The following MACF1 variants were observed in gnomAD, a reference collection of about 807,000 sequenced individuals.
MACF1 encodes microtubule-actin cross-linking factor 1.
In MACF1, 193 loss-of-function variants were observed where a neutral mutation model predicts 854.8. The observed-to-expected ratio is 0.23, with a 90% confidence interval of 0.20 to 0.25. The LOEUF (loss-of-function observed/expected upper bound fraction) is 0.25, where lower values mean the gene tolerates loss of function less well. Ranked by LOEUF, MACF1 falls within the 10% of genes least tolerant of loss-of-function variation. The pLI is 1.00. For missense variants in MACF1, 7,722 were observed against 8,929.1 expected (o/e 0.86, Z 5.45); for synonymous variants, 3,185 against 3,226.7 (o/e 0.99, Z 0.44).
intron 58 of MACF1, among the ~76,000 whole-genome samples, chr1:39,421,168 T>G (rs774555117): frequency 4.9e-4 from 74 of 152,254 alleles, no homozygotes; most frequent in Non-Finnish European, 9.0e-4. Context: ...CCCGGCCACT[T>G]CATACTCTTA....
chr1:39,382,744 A>G (rs1411807300), intron 56 of MACF1, among the ~76,000 whole-genome samples: 1 of 151,686 alleles, frequency 6.6e-6, no homozygotes, highest in Non-Finnish European at 1.5e-5. Context: ...ATTACTTAAT[A>G]TCTTATATCT....
intron 60 of MACF1, among the ~76,000 whole-genome samples, 179 bp from the exon 61 acceptor site, chr1:39,423,849 G>T (rs759915180): frequency 6.6e-6 from 1 of 151,774 alleles, no homozygotes; most frequent in Non-Finnish European, 1.5e-5. Context: ...TGTGTGAAAA[G>T]TATACGAGTG....
rs199754020 is a variant in MACF1, at chr1:39,447,783, A to C, written c.19853A>C (p.Asp6618Ala). The change falls in exon 82 of 101, where the codon GAT becomes GCT. Residue 6618 changes from aspartate to alanine, a missense_variant. Physicochemically the swap from Asp to Ala is moderately radical, Grantham distance 126. Transcript: ENST00000564288. ...TTAAAGTTCCTTAGCCAAAAGCAGG[A>C]TGTTGTTCTGATCAAGAATTTGTTG... ...NQLKFLSQKQ[D>A]VVLIKNLLVS... 6.2e-7 allele frequency: 1 copy of C among 1,614,068 alleles called. No individual in the cohort carries two copies. Among genetic ancestry groups the C allele is most frequent in the Non-Finnish European group, 8.5e-7 (1 of 1,180,020 alleles).
At chr1:39,139,298 T>G (rs78362925) in intron 2 of MACF1, among the ~76,000 whole-genome samples, 1 of 142,142 alleles carries the variant, frequency 7.0e-6, no homozygotes, top group Non-Finnish European at 1.6e-5. Context: ...TCTGCCACTG[T>G]TTTTTTTTTT....
In MACF1 at chr1:39,333,001, A is replaced by C. The variant is rs1196032894; in HGVS notation, c.6413A>C (p.Glu2138Ala). 2 of 1,613,994 alleles carry C rather than the reference A, an allele frequency of 1.2e-6. No individual in the cohort carries two copies. The highest frequency in any genetic ancestry group is 2.2e-5 in the South Asian group (2 of 91,080). Reference protein sequence around the residue: ...RGHLLTIPPAEAEGVPLVVDK... With the variant: ...RGHLLTIPPAAAEGVPLVVDK... ...CACCTCCTGACCATACCTCCTGCTG[A>C]GGCGGAAGGTGTGCCGTTGGTGGTT... Residue 2138 changes from glutamate to alanine, a missense_variant, in exon 37 of 101, where the codon GAG (glutamate) becomes GCG (alanine). By Grantham distance (107) the Glu-to-Ala change is moderately radical. This residue lies in a region of MACF1 where 1,531 missense variants were observed against 1,601.6 expected (regional missense o/e 0.96). Coordinates refer to ENST00000564288, the MANE Select transcript of MACF1 (RefSeq NM_001394062.1).
intron 6 of MACF1, among the ~76,000 whole-genome samples, chr1:39,281,637 T>C (rs1645549100): frequency 6.6e-6 from 1 of 152,260 alleles, no homozygotes; most frequent in Non-Finnish European, 1.5e-5. Context: ...ACTACAGGCA[T>C]GAGCCACTGC....
intron 1 of MACF1, among the ~76,000 whole-genome samples, chr1:39,209,901 C>CA (rs1644495915): frequency 6.6e-6 from 1 of 151,976 alleles, no homozygotes; most frequent in South Asian, 2.1e-4. Flanking sequence ...CCAGCTTGGC[C>CA]AACATGGTGA....
chr1:39,474,466 C>T (rs958082159), intron 97 of MACF1, among the ~76,000 whole-genome samples: 4 of 151,450 alleles, frequency 2.6e-5, no homozygotes, highest in African/African-American at 7.3e-5. Context: ...GAGGCTGAGC[C>T]GGGCGGATCA....
At chr1:39,278,988 A>C (rs1313908533) in intron 6 of MACF1, among the ~76,000 whole-genome samples, 2 of 152,226 alleles carry the variant, frequency 1.3e-5, no homozygotes, top group Non-Finnish European at 2.9e-5. Context: ...TGATTCAAGA[A>C]TTTGAATTGG....
At chr1:39,386,627 T>A (rs1641801721) in intron 57 of MACF1, among the ~76,000 whole-genome samples, 1 of 152,338 alleles carries the variant, frequency 6.6e-6, no homozygotes, top group South Asian at 2.1e-4. Context: ...AGACGGTGTT[T>A]CACCATGTTG....
Position 39,436,050 on chromosome 1 carries a change from T to A in MACF1, c.17988+289T>A, listed in dbSNP as rs147465303. On this transcript the variant is annotated intron_variant, in intron 70 of 100. Coordinates refer to ENST00000564288, the MANE Select transcript of MACF1 (RefSeq NM_001394062.1). ...CCTTTAGCAGATGATTTTGGATAAA[T>A]TTACCTTGCAGATTCAAAAGCAGTG... The A allele has an allele frequency of 2.5e-4, 107 of 420,682 alleles. 1 individual carries two copies. The East Asian group carries it at 4.1e-3, about 16-fold the overall frequency. 26.1% of individuals were successfully genotyped at this position (420,682 alleles called of 1,614,324 possible). A position where few individuals can be genotyped will look rare whatever the true frequency, so the allele number is the denominator to read the frequency against.
rs1358813604 is a variant in MACF1, at chr1:39,284,117, C to G, written c.967C>G (p.Pro323Ala). The change falls in exon 10 of 101, where the codon CCC (proline) becomes GCC (alanine). Residue 323 changes from proline to alanine, a missense_variant. Physicochemically the swap from Pro to Ala is conservative, Grantham distance 27 (BLOSUM62 -1). Transcript: ENST00000564288. ...EYQSRVDSLI[P>A]WIKQHTILMS... Reference sequence around the variant, plus strand: ...CCAAAGCCGAGTGGACTCCCTCATTCCCTGGATCAAACAGCATACAATACT... The same window carrying G: ...CCAAAGCCGAGTGGACTCCCTCATTGCCTGGATCAAACAGCATACAATACT... 3 of 1,613,970 alleles carry G rather than the reference C, an allele frequency of 1.9e-6. No individual in the cohort carries two copies. Among genetic ancestry groups the G allele is most frequent in the Non-Finnish European group, 2.5e-6 (3 of 1,179,942 alleles).
chr1:39,124,136 T>C (rs1557468518), intron 2 of MACF1, among the ~76,000 whole-genome samples: 2 of 151,294 alleles, frequency 1.3e-5, no homozygotes, highest in Non-Finnish European at 2.9e-5. Flanking sequence ...TCCGCCCACC[T>C]TGGCCTCCCA....
intron 93 of MACF1, among the ~76,000 whole-genome samples, chr1:39,462,717 A>G (rs1488307969): frequency 6.6e-6 from 1 of 152,234 alleles, no homozygotes; most frequent in Non-Finnish European, 1.5e-5. Flanking sequence ...TTGTCTTAAA[A>G]AATAAAAACA....
At chr1:39,176,556 T>C (rs980300002) in intron 2 of MACF1, among the ~76,000 whole-genome samples, 12 of 152,150 alleles carry the variant, frequency 7.9e-5, no homozygotes, top group African/African-American at 2.9e-4. Context: ...TCCTTCTTTT[T>C]CCCCCCATTT....
chr1:39,217,124 C>A (rs1369687759), intron 1 of MACF1, among the ~76,000 whole-genome samples: 2 of 152,018 alleles, frequency 1.3e-5, no homozygotes. Context: ...ATATACTTTT[C>A]ACATTATATT....
chr1:39,287,199 C>A, intron 14 of MACF1, 87 bp from the exon 15 acceptor site: 2 of 1,375,476 alleles, frequency 1.5e-6, no homozygotes, highest in Non-Finnish European at 2.0e-6. Context: ...TTTATCATAT[C>A]TTTGTCAAAT....
At position 39,168,525 on chromosome 1, in the gene MACF1, C is replaced by T. The variant is rs540110297; in HGVS notation, c.221-62657C>T. On this transcript the variant is annotated intron_variant, in intron 2 of 93. Transcript: ENST00000361689. The stretch of plus-strand genomic sequence containing the variant: ...TGTGCGTGTGTGTGGAGAACGGTCT[C>T]GCTATATTGCCCAGGCAGGTCTCGA... 2.0e-3 allele frequency among the ~76,000 whole-genome samples: 305 copies of T among 152,130 alleles called. 2 individuals carry two copies. The highest frequency in any genetic ancestry group is 7.1e-3 in the African/African-American group (295 of 41,512).
At chr1:39,370,878 C>A (rs12127668) in intron 51 of MACF1, among the ~76,000 whole-genome samples, 4,652 of 152,214 alleles carry the variant, frequency 0.031, 110 homozygotes, top group Non-Finnish European at 0.045. Context: ...AAAAAAACTC[C>A]TAATACTTCT....
Sources: gnomAD v4.1 joint callset for allele counts (sites outside exome capture counted in the v4.1 genomes callset) on GRCh38, gnomAD v4.1.1 for gene constraint, gnomAD v4.1.1 regional missense constraint, MANE v1.5 for transcripts, NCBI Gene and HGNC (gene_info 2026-07-23, HGNC 2026-07-21) for gene names.